CEP295: variants seen among roughly 807,000 people sequenced by gnomAD.
CEP295 encodes centrosomal protein of 295 kDa.
A neutral mutation model predicts 291.6 loss-of-function variants in CEP295; 190 were observed. That is an observed-to-expected ratio of 0.65 (90% CI 0.58 to 0.73). The LOEUF (loss-of-function observed/expected upper bound fraction) is 0.73, where lower values mean the gene tolerates loss of function less well. Ranked by LOEUF, CEP295 falls within the 30% of genes least tolerant of loss-of-function variation. CEP295 has a pLI of 0.00. For missense variants in CEP295, 2,863 were observed against 2,949.4 expected (o/e 0.97, Z 0.68); for synonymous variants, 993 against 1,038.8 (o/e 0.96, Z 0.85).
At chr11:93,708,425 T>G (rs972260346) in intron 18 of CEP295, among the ~76,000 whole-genome samples, 1 of 152,234 alleles carries the variant, frequency 6.6e-6, no homozygotes, top group Non-Finnish European at 1.5e-5. Context: ...TGTGTATGGC[T>G]TATTTCACTT....
exon 30 of CEP295, chr11:93,730,344 T>TTGTTATTCGAGGAATTCCATGTTGTG: frequency 9.0e-7 from 1 of 1,110,738 alleles, no homozygotes; most frequent in East Asian, 2.5e-5. Context: ...AGTCAATAAA[T>TTGTTATTCGAGGAATTCCATGTTGTG]TGTTATTCGA....
intron 18 of CEP295, among the ~76,000 whole-genome samples, chr11:93,716,848 G>T (rs1450109330): frequency 1.3e-5 from 2 of 152,190 alleles, no homozygotes; most frequent in South Asian, 2.1e-4. Context: ...CTTCACTATG[G>T]TGCCTAGGCA....
Position 93,699,804 on chromosome 11 carries a change from A to T in CEP295, c.4892A>T (p.Lys1631Met). ...QEELSLNKQRKLNKSESAEHT... is the reference protein window; with the variant it reads ...QEELSLNKQRMLNKSESAEHT... The stretch of plus-strand genomic sequence containing the variant: ...GAACTGTCTTTAAACAAACAAAGAA[A>T]GTTGAACAAAAGTGAATCTGCTGAG... The change falls in exon 15 of 30, where the codon AAG (lysine) becomes ATG (methionine). Residue 1631 changes from lysine to methionine, a missense_variant. By Grantham distance (95) the Lys-to-Met change is moderately conservative (BLOSUM62 -1). This residue lies in a region of CEP295 where 2,295 missense variants were observed against 2,335.7 expected (regional missense o/e 0.98). Coordinates refer to ENST00000325212, the MANE Select transcript of CEP295 (RefSeq NM_033395.2). The T allele has an allele frequency of 6.4e-7, 1 of 1,552,316 alleles. No individual in the cohort carries two copies. Among genetic ancestry groups the T allele is most frequent in the Middle Eastern group, 1.7e-4 (1 of 5,998 alleles).
At chr11:93,726,492 T>C (rs989123912) in intron 23 of CEP295, among the ~76,000 whole-genome samples, 1 of 152,208 alleles carries the variant, frequency 6.6e-6, no homozygotes, top group South Asian at 2.1e-4. Flanking sequence ...CCTAGCACTT[T>C]GGGAAGCTGC....
At chr11:93,708,548 G>A (rs1952676277) in intron 18 of CEP295, among the ~76,000 whole-genome samples, 1 of 151,750 alleles carries the variant, frequency 6.6e-6, no homozygotes. Flanking sequence ...TTATCCATTT[G>A]TTTGTTGATG....
rs1952003254 is a variant in CEP295, at chr11:93,699,116, C to T, written c.4204C>T (p.Gln1402Ter). Residue 1402 changes from glutamine to a stop codon, truncating the protein, a stop_gained, in exon 15 of 30, where the codon CAG (glutamine) becomes TAG (stop). Transcript: ENST00000325212. LOFTEE classifies it high-confidence loss of function. Reference sequence around the variant, plus strand: ...CACCTCTTCCTTACCCCTAGTACCACAGCATTCATTCGCCTCATTACCTCT... The same window carrying T: ...CACCTCTTCCTTACCCCTAGTACCATAGCATTCATTCGCCTCATTACCTCT... ...VDTSSLPLVPQHSFASLPLNE... is the reference protein window; with the variant it reads ...VDTSSLPLVP 6.5e-7 allele frequency: 1 copy of T among 1,549,568 alleles called. No individual in the cohort carries two copies. The highest frequency in any genetic ancestry group is 8.7e-7 in the Non-Finnish European group (1 of 1,147,072).
At chr11:93,669,414 GT>G (rs35665508) in intron 4 of CEP295, among the ~76,000 whole-genome samples, 15 of 144,854 alleles carry the variant, frequency 1.0e-4, no homozygotes, top group African/African-American at 1.8e-4. Flanking sequence ...CAACATTTCT[GT>G]TTTTTTTTTT....
intron 25 of CEP295, 65 bp downstream of exon 25, chr11:93,728,886 A>G (rs923983633): frequency 1.4e-5 from 20 of 1,392,920 alleles, no homozygotes; most frequent in East Asian, 5.0e-5. Context: ...GTCTCTTACA[A>G]CTTATCAGAA....
intron 7 of CEP295, among the ~76,000 whole-genome samples, chr11:93,683,191 T>C (rs1295356802): frequency 6.6e-6 from 1 of 152,216 alleles, no homozygotes; most frequent in Non-Finnish European, 1.5e-5. Flanking sequence ...ACAGGAGCCA[T>C]GGCAACTTAT....
chr11:93,699,627 A>G lies in CEP295; in HGVS notation c.4715A>G (p.Asn1572Ser), dbSNP rs1274122794. 4.5e-6 allele frequency: 7 copies of G among 1,551,650 alleles called. No individual in the cohort carries two copies. In the African/African-American group the frequency reaches 5.5e-5, roughly 12 times the overall value. The change falls in exon 15 of 30, where the codon AAT becomes AGT. Residue 1572 changes from asparagine (N) to serine (S), a missense_variant. Transcript: ENST00000325212. Reference protein sequence around the residue: ...RTQKSFPTKSNDTLPSSHREI... With the variant: ...RTQKSFPTKSSDTLPSSHREI... ...CAGAAGTCTTTCCCAACCAAAAGTA[A>G]TGATACTCTTCCCTCAAGTCATCGT... is the stretch of plus-strand genomic sequence containing the variant.
In CEP295 at chr11:93,669,788, G is replaced by T. The variant is rs1296581972; in HGVS notation, c.528+18G>T. The T allele has an allele frequency of 6.9e-7, 1 of 1,456,380 alleles. No homozygotes were observed. The highest frequency in any genetic ancestry group is 2.5e-5 in the East Asian group (1 of 40,350). 90.2% of individuals were successfully genotyped at this position (1,456,380 alleles called of 1,614,324 possible). A position where few individuals can be genotyped will look rare whatever the true frequency, so the allele number is the denominator to read the frequency against. On this transcript the variant is annotated intron_variant, in intron 5 of 29. Transcript: ENST00000325212. ...TTTTTGAGGTGAGTTTGAGTATTAA[G>T]AGGAACTAGGTCATAATTCTTCTTT... is the stretch of plus-strand genomic sequence containing the variant.
rs1253286986 is a variant in CEP295, at chr11:93,697,565, CT to C, written c.2654del (p.Leu885ProfsTer8). ...KQKEVEQQTG[L>X]SVFLPLVTPD... The stretch of plus-strand genomic sequence containing the variant: ...GAAAGAAGTGGAACAGCAAACGGGC[CT>C]CTCGGTATTCCTTCCCTTGGTAACT... On this transcript the variant is annotated frameshift_variant, in exon 15 of 30. Coordinates refer to ENST00000325212, the MANE Select transcript of CEP295 (RefSeq NM_033395.2). LOFTEE classifies it high-confidence loss of function. 6.4e-7 allele frequency: 1 copy of C among 1,551,760 alleles called. No individual in the cohort carries two copies. Among genetic ancestry groups the C allele is most frequent in the Non-Finnish European group, 8.7e-7 (1 of 1,146,980 alleles).
In CEP295 at chr11:93,723,106, AATATT is replaced by A. The variant is rs780484073; in HGVS notation, c.6017_6021del (p.Ile2006LysfsTer21). ...TACCACCAGTAAAGAAGAGGAAACAAATATTATAAGTTCCATAGTTCCTTCAACAC... is the reference window on the plus strand; with the variant it reads ...TACCACCAGTAAAGAAGAGGAAACAAATAAGTTCCATAGTTCCTTCAACAC... On this transcript the variant is annotated frameshift_variant, in exon 21 of 30. Transcript: ENST00000325212. LOFTEE classifies it high-confidence loss of function. 2 of 1,551,558 alleles carry A rather than the reference AATATT, an allele frequency of 1.3e-6. No homozygotes were observed. The highest frequency in any genetic ancestry group is 1.2e-5 in the South Asian group (1 of 84,058).
chr11:93,695,470 ATAGATCAATAG>A lies in CEP295; in HGVS notation c.1534-24_1534-14del. 7.3e-7 allele frequency: 1 copy of A among 1,378,656 alleles called. No homozygotes were observed. Among genetic ancestry groups the A allele is most frequent in the Non-Finnish European group, 9.5e-7 (1 of 1,057,502 alleles). 85.4% of individuals were successfully genotyped at this position (1,378,656 alleles called of 1,614,324 possible). A position where few individuals can be genotyped will look rare whatever the true frequency, so the allele number is the denominator to read the frequency against. ...TTGCCTTTGTATGAGTTTGTTGTTA[ATAGATCAATAG>A]TATTTTGTTACCTAGATAATGGAAA... On this transcript the variant is annotated splice_polypyrimidine_tract_variant and intron_variant, in intron 12 of 29. Transcript: ENST00000325212.
intron 1 of CEP295, among the ~76,000 whole-genome samples, 167 bp downstream of exon 1, chr11:93,661,941 C>G (rs371958856): frequency 7.2e-5 from 11 of 152,364 alleles, no homozygotes; most frequent in East Asian, 1.9e-4. Context: ...GGGCCCTGCC[C>G]GCGGTCGGGC....
chr11:93,700,587 G>A (rs1952094633), intron 15 of CEP295, among the ~76,000 whole-genome samples: 1 of 150,930 alleles, frequency 6.6e-6, no homozygotes, highest in Non-Finnish European at 1.5e-5. Context: ...CACCATGCCT[G>A]GCTAAATTTT....
At position 93,709,793 on chromosome 11, in the gene CEP295, A is replaced by AT. The variant is rs1388763272; in HGVS notation, c.5749+2902dup. ...ATCCAGGAACATGGAATATCTTTCC[A>AT]TTTTTTGTGTGTCCTCTTTAATTTC... On this transcript the variant is annotated intron_variant, in intron 18 of 29. Coordinates refer to ENST00000325212, the MANE Select transcript of CEP295 (RefSeq NM_033395.2). Among the ~76,000 whole-genome samples the AT allele has an allele frequency of 4.6e-5, 7 of 152,226 alleles. No homozygotes were observed. The East Asian group carries it at 7.7e-4, about 17-fold the overall frequency.
At chr11:93,711,553 A>AGT (rs760446749) in intron 18 of CEP295, among the ~76,000 whole-genome samples, 1 of 152,106 alleles carries the variant, frequency 6.6e-6, no homozygotes, top group Non-Finnish European at 1.5e-5. Flanking sequence ...TCCAGGCTGG[A>AGT]GTGCAGTGGC....
At chr11:93,695,785 C>A in intron 13 of CEP295, 151 bp downstream of exon 13, 1 of 764,328 alleles carries the variant, frequency 1.3e-6, no homozygotes. Context: ...CCGAGACAGG[C>A]AGATCACTTC....
Sources: gnomAD v4.1 joint callset for allele counts (sites outside exome capture counted in the v4.1 genomes callset) on GRCh38, gnomAD v4.1.1 for gene constraint, gnomAD v4.1.1 regional missense constraint, MANE v1.5 for transcripts, NCBI Gene and HGNC (gene_info 2026-07-23, HGNC 2026-07-21) for gene names.